Variants in CMPK1 observed in about 807,000 individuals in gnomAD.
CMPK1 encodes cytidine/uridine monophosphate kinase 1, also known as UMP-CMP kinase.
CMPK1 carries 10 observed loss-of-function variants against 25.7 expected under a neutral mutation model. The ratio of observed to expected loss-of-function variants is 0.39; its 90% CI spans 0.24 to 0.66. The LOEUF (loss-of-function observed/expected upper bound fraction) is 0.66, where lower values mean the gene tolerates loss of function less well. Among genes scored for constraint, CMPK1 ranks in the 30% least tolerant of loss-of-function variants. The pLI, the probability that CMPK1 is intolerant of heterozygous loss-of-function variation, is 0.48. For synonymous variants in CMPK1, 106 were observed against 101.5 expected (o/e 1.04, Z -0.27); for missense variants, 199 against 280.5 (o/e 0.71, Z 2.08).
intron 1 of CMPK1, among the ~76,000 whole-genome samples, chr1:47,339,210 A>G (rs971488239): frequency 6.6e-6 from 1 of 152,006 alleles, no homozygotes; most frequent in African/African-American, 2.4e-5. Context: ...CATGAATGCC[A>G]TGTTGGCCAG....
intron 1 of CMPK1, chr1:47,358,381 G>A (rs1570368358): frequency 2.4e-6 from 3 of 1,264,364 alleles, no homozygotes; most frequent in Non-Finnish European, 2.1e-6. Context: ...CCAAAGTGCT[G>A]AGATTACAGG....
At chr1:47,365,288 T>C (rs1471482210) in intron 1 of CMPK1, among the ~76,000 whole-genome samples, 27 of 131,794 alleles carry the variant, frequency 2.0e-4, no homozygotes, top group Admixed American at 3.1e-4. Flanking sequence ...TTTTTTTTTG[T>C]CTTGTGTTTT....
chr1:47,346,833 TCTCTCCTCCTCACTCCTCTCCC>T (rs1171497937), intron 1 of CMPK1, among the ~76,000 whole-genome samples: 9 of 143,552 alleles, frequency 6.3e-5, no homozygotes, highest in Admixed American at 2.1e-4. Flanking sequence ...CCCCTCCCCA[TCTCTCCTCCTCACTCCTCTCCC>T]CTCTCCTCCC....
intron 2 of CMPK1, among the ~76,000 whole-genome samples, chr1:47,369,676 C>A (rs937653735): frequency 1.1e-4 from 17 of 151,162 alleles, no homozygotes; most frequent in African/African-American, 3.9e-4. Flanking sequence ...ATTCTCCTGT[C>A]TCAGCCTCCC....
chr1:47,343,713 A>C (rs1646461837), intron 1 of CMPK1, among the ~76,000 whole-genome samples: 1 of 152,040 alleles, frequency 6.6e-6, no homozygotes, highest in Non-Finnish European at 1.5e-5. Flanking sequence ...AAGGAGTTCA[A>C]GACCAGCCTG....
intron 1 of CMPK1, among the ~76,000 whole-genome samples, chr1:47,357,164 C>T (rs912391399): frequency 5.9e-5 from 9 of 151,738 alleles, no homozygotes; most frequent in Non-Finnish European, 1.0e-4. Flanking sequence ...GGGGTTTCAC[C>T]GTGTTAGCCA....
intron 1 of CMPK1, among the ~76,000 whole-genome samples, chr1:47,365,514 G>A (rs1174743781): frequency 1.3e-5 from 2 of 151,430 alleles, no homozygotes; most frequent in African/African-American, 2.4e-5. Context: ...TGTACCACTA[G>A]TCCCAGCTAC....
intron 1 of CMPK1, among the ~76,000 whole-genome samples, chr1:47,339,180 G>T (rs1024257784): frequency 6.6e-6 from 1 of 151,842 alleles, no homozygotes; most frequent in Non-Finnish European, 1.5e-5. Context: ...CAAGTAGCTG[G>T]GACTACAGAC....
chr1:47,365,633 C>CAAAA (rs10623948), intron 1 of CMPK1, among the ~76,000 whole-genome samples: 20,529 of 107,988 alleles, frequency 0.19, 2,820 homozygotes, highest in East Asian at 0.71. Context: ...GACCCTGTCT[C>CAAAA]AAAAAAAAAA....
chr1:47,367,887 C>G (rs1646650461), intron 1 of CMPK1, among the ~76,000 whole-genome samples: 1 of 152,112 alleles, frequency 6.6e-6, no homozygotes, highest in Non-Finnish European at 1.5e-5. Flanking sequence ...TTTGCATCAG[C>G]CTTACAAGTA....
At chr1:47,363,611 C>G (rs557862634) in intron 1 of CMPK1, among the ~76,000 whole-genome samples, 1 of 151,682 alleles carries the variant, frequency 6.6e-6, no homozygotes, top group East Asian at 1.9e-4. Context: ...GCACTCCAGC[C>G]TGGGCAACAG....
Position 47,333,957 on chromosome 1 carries a change from C to G in CMPK1, c.12C>G (p.Arg4=). The G allele has an allele frequency of 1.3e-6, 2 of 1,486,778 alleles. No homozygotes were observed. Among genetic ancestry groups the G allele is most frequent in the East Asian group, 2.8e-5 (1 of 35,568 alleles). 92.1% of individuals were successfully genotyped at this position (1,486,778 alleles called of 1,614,324 possible). The change falls in exon 1 of 6, where the codon CGC becomes CGG. Residue 4 remains arginine, a synonymous_variant. Transcript: ENST00000371873. ...CCGAGGCGCGGTGTATGCTGAGCCGCTGCCGCAGCGGGCTGCTCCACGTCC... is the reference window on the plus strand; with the variant it reads ...CCGAGGCGCGGTGTATGCTGAGCCGGTGCCGCAGCGGGCTGCTCCACGTCC... MLS[R]CRSGLLHVLG...
At position 47,368,609 on chromosome 1, in the gene CMPK1, A is replaced by G; in HGVS notation, c.312A>G (p.Leu104=). The G allele has an allele frequency of 6.2e-7, 1 of 1,606,604 alleles. No individual in the cohort carries two copies. The highest frequency in any genetic ancestry group is 2.3e-5 in the East Asian group (1 of 44,444). The part of the protein sequence containing the change: ...IVPVEITISL[L]KREMDQTMAA... ...CAGTTGAGATAACCATCAGTTTATT[A>G]AAGAGGGTAAGGAGTGTGAATGCCA... Residue 104 remains leucine, a synonymous_variant, in exon 2 of 6, where the codon TTA becomes TTG. Coordinates refer to ENST00000371873, the MANE Select transcript of CMPK1 (RefSeq NM_016308.3).
chr1:47,338,384 G>T (rs1439343128), intron 1 of CMPK1, among the ~76,000 whole-genome samples: 1 of 152,206 alleles, frequency 6.6e-6, no homozygotes, highest in East Asian at 1.9e-4. Context: ...AGGCAAATCT[G>T]ATACAGTGTC....
intron 1 of CMPK1, among the ~76,000 whole-genome samples, chr1:47,343,533 C>G (rs948848036): frequency 1.3e-4 from 20 of 150,924 alleles, no homozygotes; most frequent in African/African-American, 4.1e-4. Context: ...TCAAAAAAAC[C>G]CACAAAACTT....
At chr1:47,375,145 G>A in intron 4 of CMPK1, 52 bp from the exon 5 acceptor site, 1 of 1,412,466 alleles carries the variant, frequency 7.1e-7, no homozygotes, top group Non-Finnish European at 1.0e-6. Flanking sequence ...CCTATAACAT[G>A]TAGAAGAAAG....
At chr1:47,339,622 A>G (rs922281330) in intron 1 of CMPK1, among the ~76,000 whole-genome samples, 4 of 151,720 alleles carry the variant, frequency 2.6e-5, no homozygotes, top group Admixed American at 1.3e-4. Flanking sequence ...AGGGCGCTCC[A>G]GTGGCAGTTG....
At chr1:47,359,051 G>A (rs369842592) in intron 1 of CMPK1, among the ~76,000 whole-genome samples, 1 of 152,110 alleles carries the variant, frequency 6.6e-6, no homozygotes, top group Non-Finnish European at 1.5e-5. Context: ...AGGCGCGGTG[G>A]CTCACACCTG....
At position 47,367,016 on chromosome 1, in the gene CMPK1, G is replaced by A. The variant is rs928188230; in HGVS notation, c.172-1453G>A. Among the ~76,000 whole-genome samples the A allele has an allele frequency of 7.2e-5, 11 of 151,942 alleles. No individual in the cohort carries two copies. In the East Asian group the frequency reaches 7.7e-4, roughly 11 times the overall value. On this transcript the variant is annotated intron_variant, in intron 1 of 5. Coordinates refer to ENST00000371873, the MANE Select transcript of CMPK1 (RefSeq NM_016308.3). Reference sequence around the variant, plus strand: ...GCTGGGATTATAGGTGTGAGCCACCGCACCCAGCCTTTTTTTCTTTCTTTT... The same window carrying A: ...GCTGGGATTATAGGTGTGAGCCACCACACCCAGCCTTTTTTTCTTTCTTTT...
Sources: gnomAD v4.1 joint callset for allele counts (sites outside exome capture counted in the v4.1 genomes callset) on GRCh38, gnomAD v4.1.1 for gene constraint, MANE v1.5 for transcripts, NCBI Gene and HGNC (gene_info 2026-07-23, HGNC 2026-07-21) for gene names.